The following NCOA7 variants were observed in gnomAD, a reference collection of about 807,000 sequenced individuals.
NCOA7 encodes 140 kDa estrogen receptor-associated protein.
NCOA7 carries 45 observed loss-of-function variants against 104.3 expected under a neutral mutation model. The ratio of observed to expected loss-of-function variants is 0.43; its 90% CI spans 0.34 to 0.55. The LOEUF (loss-of-function observed/expected upper bound fraction) is 0.55, where lower values mean the gene tolerates loss of function less well. Ranked by LOEUF, NCOA7 falls within the 20% of genes least tolerant of loss-of-function variation. The pLI, the probability that NCOA7 is intolerant of heterozygous loss-of-function variation, is 0.02. For missense variants in NCOA7, 1,041 were observed against 1,119.7 expected (o/e 0.93, Z 1.00); for synonymous variants, 398 against 402.3 (o/e 0.99, Z 0.13).
intron 1 of NCOA7, among the ~76,000 whole-genome samples, chr6:125,812,012 A>C (rs1218204503): frequency 6.6e-6 from 1 of 152,204 alleles, no homozygotes; most frequent in African/African-American, 2.4e-5. Context: ...AGTGCTGTTG[A>C]ATTAAGGAAA....
intron 1 of NCOA7, among the ~76,000 whole-genome samples, chr6:125,806,290 G>T (rs772684039): frequency 6.6e-6 from 1 of 152,138 alleles, no homozygotes; most frequent in Non-Finnish European, 1.5e-5. Flanking sequence ...ACCGTGAGCC[G>T]AGATCGTGGC....
intron 7 of NCOA7, among the ~76,000 whole-genome samples, chr6:125,883,048 A>G (rs1199804616): frequency 6.6e-6 from 1 of 152,236 alleles, no homozygotes; most frequent in Non-Finnish European, 1.5e-5. Context: ...CTAAATAGTA[A>G]GCTCTCAAGC....
At chr6:125,879,101 A>G (rs2128644856) in intron 5 of NCOA7, among the ~76,000 whole-genome samples, 1 of 152,332 alleles carries the variant, frequency 6.6e-6, no homozygotes, top group South Asian at 2.1e-4. Context: ...CCATTACTCT[A>G]GTTTAGCTAT....
intron 6 of NCOA7, among the ~76,000 whole-genome samples, chr6:125,881,808 T>C (rs79748897): frequency 1.3e-5 from 2 of 152,018 alleles, no homozygotes; most frequent in African/African-American, 4.8e-5. Context: ...GAGTCTAATA[T>C]GAATTTTTTC....
chr6:125,927,809 T>C (rs367779695), intron 14 of NCOA7, 51 bp downstream of exon 14: 33 of 1,427,426 alleles, frequency 2.3e-5, no homozygotes, highest in Non-Finnish European at 3.0e-5. Context: ...GTGTCCTCAG[T>C]TGGGGAAGGG....
At position 125,921,015 on chromosome 6, in the gene NCOA7, C is replaced by T. The variant is rs1279672408; in HGVS notation, c.2317C>T (p.Leu773=). Residue 773 remains leucine, a synonymous_variant, in exon 12 of 16, where the codon CTG becomes TTG. Coordinates refer to ENST00000392477, the MANE Select transcript of NCOA7 (RefSeq NM_181782.5). Reference sequence around the variant, plus strand: ...CTATGAAGACGAGGACGAAGAGGTGCTGCCTGTCCTACGGCCCCACAGCGC... The same window carrying T: ...CTATGAAGACGAGGACGAAGAGGTGTTGCCTGTCCTACGGCCCCACAGCGC... ...SYYEDEDEEV[L]PVLRPHSALL... 1 of 1,613,888 alleles carries T rather than the reference C, an allele frequency of 6.2e-7. No homozygotes were observed. The highest frequency in any genetic ancestry group is 1.1e-5 in the South Asian group (1 of 91,080).
At chr6:125,785,279 A>T (rs1322985521) in intron 1 of NCOA7, among the ~76,000 whole-genome samples, 1 of 152,202 alleles carries the variant, frequency 6.6e-6, no homozygotes, top group Non-Finnish European at 1.5e-5. Flanking sequence ...TGGCGGTTGC[A>T]GTGAGCTAAC....
upstream of NCOA7, among the ~76,000 whole-genome samples, chr6:125,787,813 A>T (rs2128539547): frequency 6.6e-6 from 1 of 152,364 alleles, no homozygotes; most frequent in East Asian, 1.9e-4. Context: ...AATAAAGTAT[A>T]TTATTCTAGT....
chr6:125,911,101 C>T (rs1786500197), intron 10 of NCOA7, among the ~76,000 whole-genome samples: 1 of 152,124 alleles, frequency 6.6e-6, no homozygotes, highest in Non-Finnish European at 1.5e-5. Flanking sequence ...TCTGGGAGCC[C>T]ACGGTATTTA....
rs547370433 is a variant in NCOA7, at chr6:125,878,473, A to G, written c.459+103A>G. The G allele has an allele frequency of 6.5e-5, 47 of 719,036 alleles. No individual in the cohort carries two copies. In the South Asian group the frequency reaches 1.0e-3, roughly 16 times the overall value. The allele number at this position is 719,036 out of a possible 1,614,324, so 44.5% of individuals were successfully genotyped here. A position where few individuals can be genotyped will look rare whatever the true frequency, so the allele number is the denominator to read the frequency against. On this transcript the variant is annotated intron_variant, in intron 5 of 15. Coordinates refer to ENST00000392477, the MANE Select transcript of NCOA7 (RefSeq NM_181782.5). ...GTTTGTCACAGGATTATGATAAATG[A>G]TAATGTGCTTTGGTTCAATATTTTC...
chr6:125,839,075 A>G (rs941100811), intron 2 of NCOA7, among the ~76,000 whole-genome samples: 2 of 152,052 alleles, frequency 1.3e-5, no homozygotes, highest in African/African-American at 2.4e-5. Context: ...TTCATTACCT[A>G]TGCATGATTG....
intron 5 of NCOA7, among the ~76,000 whole-genome samples, chr6:125,879,089 A>C (rs1220639081): frequency 6.6e-6 from 1 of 152,204 alleles, no homozygotes; most frequent in African/African-American, 2.4e-5. Context: ...AACATCATCC[A>C]TCCATTACTC....
At chr6:125,921,822 A>G (rs1256955351) in intron 12 of NCOA7, among the ~76,000 whole-genome samples, 3 of 152,130 alleles carry the variant, frequency 2.0e-5, no homozygotes, top group Non-Finnish European at 4.4e-5. Context: ...TCCTTTTTCT[A>G]TGATTTTCTT....
intron 1 of NCOA7, among the ~76,000 whole-genome samples, chr6:125,807,803 T>C (rs1389333759): frequency 6.6e-6 from 1 of 152,188 alleles, no homozygotes; most frequent in Non-Finnish European, 1.5e-5. Context: ...ATCTTCTCCC[T>C]CCAGGTTCAG....
intron 2 of NCOA7, among the ~76,000 whole-genome samples, chr6:125,851,964 T>C (rs1781168804): frequency 6.6e-6 from 1 of 152,200 alleles, no homozygotes; most frequent in Non-Finnish European, 1.5e-5. Flanking sequence ...ATTGTCTTGC[T>C]GACTGAATAC....
At chr6:125,874,539 A>G (rs897504821) in intron 3 of NCOA7, among the ~76,000 whole-genome samples, 1 of 152,134 alleles carries the variant, frequency 6.6e-6, no homozygotes, top group Non-Finnish European at 1.5e-5. Flanking sequence ...CATATTGCCA[A>G]ATCACTTTCT....
At chr6:125,921,214 A>C in intron 12 of NCOA7, 146 bp downstream of exon 12, 6 of 1,103,216 alleles carry the variant, frequency 5.4e-6, no homozygotes, top group Non-Finnish European at 7.4e-6. Flanking sequence ...GTTTGAGACC[A>C]GACTGGACAA....
chr6:125,839,777 G>A (rs150018817), intron 2 of NCOA7, among the ~76,000 whole-genome samples: 2 of 152,036 alleles, frequency 1.3e-5, no homozygotes, highest in East Asian at 1.9e-4. Flanking sequence ...CATTGTCACC[G>A]TCATAGTGCA....
At chr6:125,837,027 T>C (rs890944206) in intron 2 of NCOA7, among the ~76,000 whole-genome samples, 2 of 152,190 alleles carry the variant, frequency 1.3e-5, no homozygotes, top group African/African-American at 4.8e-5. Flanking sequence ...GGTAGTTATC[T>C]CCTCACAAAA....
Sources: allele counts gnomAD v4.1 joint callset (sites outside exome capture counted in the v4.1 genomes callset), GRCh38; gene constraint gnomAD v4.1.1; transcripts MANE v1.5; gene names NCBI Gene and HGNC (gene_info 2026-07-23, HGNC 2026-07-21).